PEAK1: variants seen among roughly 807,000 people sequenced by gnomAD.
PEAK1 encodes pseudopodium enriched atypical kinase 1.
In PEAK1, 54 loss-of-function variants were observed where a neutral mutation model predicts 124.7. The observed-to-expected ratio is 0.43, with a 90% confidence interval of 0.35 to 0.54. The LOEUF is 0.54. Among genes scored for constraint, PEAK1 ranks in the 20% least tolerant of loss-of-function variants. The pLI, the probability that PEAK1 is intolerant of heterozygous loss-of-function variation, is 0.01. For synonymous variants in PEAK1, 719 were observed against 760.0 expected, an observed-to-expected ratio of 0.95 and a Z score of 0.89; for missense variants, 2,046 against 2,134.5, an observed-to-expected ratio of 0.96 and a Z score of 0.82.
chr15:77,265,888 A>C (rs1326403170), intron 5 of PEAK1, among the ~76,000 whole-genome samples: 1 of 152,232 alleles, frequency 6.6e-6, no homozygotes, highest in Non-Finnish European at 1.5e-5. Context: ...TGGATTAAGA[A>C]AATGTGGCAC....
chr15:77,176,928 G>A (rs965871112), intron 7 of PEAK1, among the ~76,000 whole-genome samples: 8 of 152,124 alleles, frequency 5.3e-5, no homozygotes, highest in African/African-American at 1.9e-4. Flanking sequence ...TGTTTAAGCT[G>A]CCTCTTTTCT....
intron 6 of PEAK1, among the ~76,000 whole-genome samples, chr15:77,232,372 A>G (rs1320957570): frequency 6.6e-6 from 1 of 152,088 alleles, no homozygotes; most frequent in Non-Finnish European, 1.5e-5. Flanking sequence ...ATTTATTATC[A>G]CAAATCTCAA....
intron 5 of PEAK1, among the ~76,000 whole-genome samples, chr15:77,283,144 A>G (rs1381592050): frequency 3.3e-5 from 5 of 152,304 alleles, no homozygotes. Flanking sequence ...CTTAAGAAAA[A>G]CAGACTTCAG....
At chr15:77,167,624 A>T (rs1312019266) in intron 7 of PEAK1, among the ~76,000 whole-genome samples, 3 of 152,208 alleles carry the variant, frequency 2.0e-5, no homozygotes, top group Non-Finnish European at 4.4e-5. Context: ...TCTGTTTTCA[A>T]TTATTTTCTC....
chr15:77,178,223 C>T (rs2057003402), intron 7 of PEAK1: 1 of 152,754 alleles, frequency 6.5e-6, no homozygotes, highest in South Asian at 2.1e-4. Flanking sequence ...TCTCCTATTT[C>T]ACCCACATGC....
intron 5 of PEAK1, among the ~76,000 whole-genome samples, chr15:77,257,129 A>T (rs1030447523): frequency 1.2e-4 from 19 of 152,180 alleles, no homozygotes; most frequent in South Asian, 6.2e-4. Context: ...TCTATCATTG[A>T]TGGACATTTG....
chr15:77,189,251 T>C (rs768821543), intron 6 of PEAK1, among the ~76,000 whole-genome samples: 3 of 152,108 alleles, frequency 2.0e-5, no homozygotes, highest in African/African-American at 7.2e-5. Context: ...AACTCTATGA[T>C]AGACATACTA....
intron 1 of PEAK1, chr15:77,370,944 C>T (rs1488164395): frequency 8.5e-6 from 4 of 470,896 alleles, no homozygotes; most frequent in African/African-American, 6.4e-5. Flanking sequence ...GTAGGAGAAT[C>T]GCTTGAACCC....
chr15:77,211,004 T>C (rs2152862032), intron 6 of PEAK1, among the ~76,000 whole-genome samples: 1 of 152,372 alleles, frequency 6.6e-6, no homozygotes, highest in South Asian at 2.1e-4. Flanking sequence ...AGATCTGTGC[T>C]ATTTTATTAC....
chr15:77,136,339 A>C (rs2053323272), intron 8 of PEAK1, among the ~76,000 whole-genome samples: 1 of 152,192 alleles, frequency 6.6e-6, no homozygotes, highest in African/African-American at 2.4e-5. Flanking sequence ...TGTTAAAGGC[A>C]TTCAGTTTTA....
intron 6 of PEAK1, among the ~76,000 whole-genome samples, chr15:77,222,067 A>G (rs1374573020): frequency 6.6e-6 from 1 of 152,028 alleles, no homozygotes; most frequent in Non-Finnish European, 1.5e-5. Flanking sequence ...TTTTCAAAAT[A>G]AAGTTGAGGA....
Position 77,179,366 on chromosome 15 carries a change from G to C in PEAK1, c.2561C>G (p.Ser854Cys). 1.2e-6 allele frequency: 2 copies of C among 1,614,138 alleles called. No homozygotes were observed. Among genetic ancestry groups the C allele is most frequent in the Non-Finnish European group, 1.7e-6 (2 of 1,180,022 alleles). ...KDPSIKPVTP[S>C]PSKLVTSPQS... Reference sequence around the variant, plus strand: ...GGGGCTAGTCACTAATTTGGAGGGAGAGGGGGTGACTGGCTTTATGGATGG... The same window carrying C: ...GGGGCTAGTCACTAATTTGGAGGGACAGGGGGTGACTGGCTTTATGGATGG... Residue 854 changes from serine to cysteine, a missense_variant, in exon 7 of 10, where the codon TCT (serine) becomes TGT (cysteine). Transcript: ENST00000682557.
chr15:77,232,943 T>G (rs137885661), intron 6 of PEAK1, among the ~76,000 whole-genome samples: 450 of 152,212 alleles, frequency 3.0e-3, no homozygotes, highest in Non-Finnish European at 5.6e-3. Flanking sequence ...GACGGGGTTT[T>G]ACATTGTTGG....
At chr15:77,146,669 A>C (rs893937773) in intron 8 of PEAK1, among the ~76,000 whole-genome samples, 1 of 152,228 alleles carries the variant, frequency 6.6e-6, no homozygotes, top group African/African-American at 2.4e-5. Context: ...ACAAATGTTC[A>C]AAGCTCTCAA....
At chr15:77,130,534 A>G (rs1375680437) in intron 9 of PEAK1, among the ~76,000 whole-genome samples, 2 of 152,186 alleles carry the variant, frequency 1.3e-5, no homozygotes, top group African/African-American at 4.8e-5. Flanking sequence ...TTTCAAACAT[A>G]CATTCTGTCT....
chr15:77,353,254 C>T (rs934467708), intron 2 of PEAK1, among the ~76,000 whole-genome samples: 1 of 152,164 alleles, frequency 6.6e-6, no homozygotes, highest in Non-Finnish European at 1.5e-5. Flanking sequence ...TTGCTTGTTA[C>T]CAACAGACTG....
chr15:77,351,208 T>G (rs1316990918), intron 2 of PEAK1, among the ~76,000 whole-genome samples: 1 of 152,216 alleles, frequency 6.6e-6, no homozygotes, highest in Non-Finnish European at 1.5e-5. Flanking sequence ...CTACCTAATA[T>G]TTAACTGAGT....
intron 2 of PEAK1, chr15:77,350,136 T>C (rs2067119195): frequency 2.0e-6 from 2 of 985,428 alleles, no homozygotes; most frequent in Non-Finnish European, 2.4e-6. Context: ...CTTCGAAAGA[T>C]GTGAAAATGC....
chr15:77,343,744 C>T (rs535020506), intron 2 of PEAK1, among the ~76,000 whole-genome samples: 5 of 152,180 alleles, frequency 3.3e-5, no homozygotes, highest in Admixed American at 6.5e-5. Flanking sequence ...CCTTGGCCTC[C>T]CAAAGTGCTG....
Sources: allele counts gnomAD v4.1 joint callset (sites outside exome capture counted in the v4.1 genomes callset), GRCh38; gene constraint gnomAD v4.1.1; transcripts MANE v1.5; gene names NCBI Gene and HGNC (gene_info 2026-07-23, HGNC 2026-07-21).